Variants in PDE3B observed in about 807,000 individuals in gnomAD.
PDE3B encodes the protein phosphodiesterase 3B, also known as cGMP-inhibited 3',5'-cyclic phosphodiesterase 3B.
PDE3B carries 66 observed loss-of-function variants against 116.8 expected under a neutral mutation model. The observed-to-expected ratio is 0.56, with a 90% CI of 0.46 to 0.69. PDE3B has a LOEUF of 0.69. Among genes scored for constraint, PDE3B ranks in the 30% least tolerant of loss-of-function variants. The pLI, the probability that PDE3B is intolerant of heterozygous loss-of-function variation, is 0.00. For synonymous variants in PDE3B, 595 were observed against 533.6 expected (o/e 1.12, Z -1.59); for missense variants, 1,384 against 1,368.1 (o/e 1.01, Z -0.18).
chr11:14,645,176 CGGGGG>C (rs34477227), intron 1 of PDE3B, 123 bp downstream of exon 1: 8 of 47,728 alleles, frequency 1.7e-4, no homozygotes, highest in Admixed American at 6.5e-4. Context: ...GGGTGTGTTG[CGGGGG>C]GGGGGGGGGA....
chr11:14,732,972 T>A (rs1375251752), intron 1 of PDE3B, among the ~76,000 whole-genome samples: 1 of 152,234 alleles, frequency 6.6e-6, no homozygotes, highest in Non-Finnish European at 1.5e-5. Flanking sequence ...ATGAGATTGC[T>A]ATTTTAATTT....
intron 1 of PDE3B, among the ~76,000 whole-genome samples, chr11:14,714,829 A>G (rs1436034461): frequency 6.6e-6 from 1 of 152,178 alleles, no homozygotes; most frequent in East Asian, 1.9e-4. Context: ...GCTAGTGGTT[A>G]CTGTATGAGA....
intron 1 of PDE3B, among the ~76,000 whole-genome samples, chr11:14,661,893 A>G (rs1303578808): frequency 1.3e-5 from 2 of 152,178 alleles, no homozygotes; most frequent in African/African-American, 2.4e-5. Flanking sequence ...CAGACAAACA[A>G]AAAGACGCAG....
the PDE3B span, among the ~76,000 whole-genome samples, chr11:14,888,238 C>T: frequency 1.3e-4 from 20 of 152,146 alleles, no homozygotes; most frequent in Non-Finnish European, 1.5e-5. Context: ...CTGTCTTCCC[C>T]CAACTAGAAT....
At chr11:14,820,709 G>A (rs575421001) in intron 7 of PDE3B, among the ~76,000 whole-genome samples, 1 of 152,178 alleles carries the variant, frequency 6.6e-6, no homozygotes, top group East Asian at 1.9e-4. Context: ...AATGGGATTA[G>A]TTCCCTTATA....
At chr11:14,646,186 T>C (rs1044308367) in intron 1 of PDE3B, among the ~76,000 whole-genome samples, 1 of 152,188 alleles carries the variant, frequency 6.6e-6, no homozygotes, top group African/African-American at 2.4e-5. Flanking sequence ...TGGGAGCCAA[T>C]ATGTTGGAGA....
intron 1 of PDE3B, among the ~76,000 whole-genome samples, chr11:14,698,562 A>C (rs1310892246): frequency 6.6e-6 from 1 of 151,782 alleles, no homozygotes; most frequent in Non-Finnish European, 1.5e-5. Flanking sequence ...TTCATGAGAG[A>C]TGTTAGCCTA....
intron 12 of PDE3B, among the ~76,000 whole-genome samples, chr11:14,848,606 A>C (rs1847667227): frequency 6.6e-6 from 1 of 152,200 alleles, no homozygotes; most frequent in Non-Finnish European, 1.5e-5. Flanking sequence ...TCTCAGCCCA[A>C]AATCTCCTTA....
At chr11:14,772,194 A>G (rs931074773) in intron 2 of PDE3B, 7 of 276,462 alleles carry the variant, frequency 2.5e-5, no homozygotes, top group Non-Finnish European at 4.7e-5. Context: ...GAAAAAGAAA[A>G]TGATAAAAAC....
intron 1 of PDE3B, among the ~76,000 whole-genome samples, chr11:14,649,865 A>G (rs1321913712): frequency 6.6e-6 from 1 of 152,232 alleles, no homozygotes; most frequent in Non-Finnish European, 1.5e-5. Context: ...CAGTTTAAAC[A>G]AAAGAAACTG....
the PDE3B span, chr11:14,877,866 T>C: frequency 2.2e-6 from 1 of 456,130 alleles, no homozygotes; most frequent in African/African-American, 2.0e-5. Context: ...TGACCCTTCT[T>C]AGCATTTTAA....
intron 1 of PDE3B, among the ~76,000 whole-genome samples, chr11:14,747,321 A>C (rs552067761): frequency 2.0e-3 from 305 of 152,326 alleles, no homozygotes; most frequent in South Asian, 9.1e-3. Flanking sequence ...GTTTTGTTTC[A>C]GAGTGAATGA....
At chr11:14,860,534 T>C (rs1176443757) in intron 13 of PDE3B, among the ~76,000 whole-genome samples, 1 of 152,136 alleles carries the variant, frequency 6.6e-6, no homozygotes, top group Admixed American at 6.5e-5. Context: ...TAAATAACAA[T>C]ATTTAACATT....
At position 14,644,279 on chromosome 11, in the gene PDE3B, G is replaced by A; in HGVS notation, c.204G>A (p.Gln68=). Residue 68 remains glutamine (Q), a synonymous_variant, in exon 1 of 16, where the codon CAG becomes CAA. Coordinates refer to ENST00000282096, the MANE Select transcript of PDE3B (RefSeq NM_000922.4). ...ELRPPPASPQ[Q]PRRCSPFCRA... is the part of the protein sequence containing the mutation. ...GGCCGCCGCCGGCCTCTCCCCAGCA[G>A]CCGCGGCGCTGCTCCCCCTTCTGCC... 2 of 1,565,914 alleles carry A rather than the reference G, an allele frequency of 1.3e-6. No individual in the cohort carries two copies. The highest frequency in any genetic ancestry group is 2.4e-5 in the East Asian group (1 of 41,454).
chr11:14,750,139 A>C (rs1565121005), intron 1 of PDE3B, among the ~76,000 whole-genome samples: 1 of 151,514 alleles, frequency 6.6e-6, no homozygotes, highest in Admixed American at 6.6e-5. Flanking sequence ...TAATTGATTG[A>C]ATGAGGTCCA....
chr11:14,712,162 T>C (rs1160009476), intron 1 of PDE3B, among the ~76,000 whole-genome samples: 2 of 152,202 alleles, frequency 1.3e-5, no homozygotes, highest in African/African-American at 4.8e-5. Flanking sequence ...CATAGCTCAC[T>C]GTAACCTCCA....
intron 1 of PDE3B, among the ~76,000 whole-genome samples, chr11:14,731,118 T>C (rs1014869410): frequency 6.6e-6 from 1 of 152,176 alleles, no homozygotes; most frequent in East Asian, 1.9e-4. Context: ...CAGGTAATCA[T>C]GTTAGATCAG....
intron 1 of PDE3B, among the ~76,000 whole-genome samples, chr11:14,762,086 C>A (rs560375229): frequency 1.3e-5 from 2 of 151,692 alleles, no homozygotes; most frequent in Admixed American, 6.6e-5. Context: ...CCTGGCAGAT[C>A]GCTTGAGCCC....
intron 1 of PDE3B, among the ~76,000 whole-genome samples, chr11:14,669,642 T>C (rs1313572894): frequency 1.5e-5 from 2 of 129,516 alleles, no homozygotes; most frequent in Non-Finnish European, 3.2e-5. Context: ...CCCCATTGTG[T>C]GATGTTCCCC....
Sources: gnomAD v4.1 joint callset for allele counts (sites outside exome capture counted in the v4.1 genomes callset) on GRCh38, gnomAD v4.1.1 for gene constraint, MANE v1.5 for transcripts, NCBI Gene and HGNC (gene_info 2026-07-23, HGNC 2026-07-21) for gene names.